COL5A1: variants seen among roughly 807,000 people sequenced by gnomAD.
COL5A1 encodes collagen type V alpha 1 chain.
In COL5A1, 16 loss-of-function variants were observed where a neutral mutation model predicts 263.7. The observed-to-expected ratio is 0.06, with a 90% confidence interval of 0.04 to 0.09. The LOEUF is 0.09. Among genes scored for constraint, COL5A1 ranks in the 10% least tolerant of loss-of-function variants. The probability of loss-of-function intolerance (pLI) is 1.00; values close to 1 mark genes in which losing one functional copy is unlikely to be tolerated. For synonymous variants in COL5A1, 1,012 were observed against 1,004.5 expected, an observed-to-expected ratio of 1.01 and a Z score of -0.14; for missense variants, 2,036 against 2,540.5, an observed-to-expected ratio of 0.80 and a Z score of 4.27.
At chr9:134,654,451 G>T (rs1831842826) in intron 1 of COL5A1, among the ~76,000 whole-genome samples, 1 of 127,564 alleles carries the variant, frequency 7.8e-6, no homozygotes. Context: ...GTGTAGGGCT[G>T]GTGTGTGTAG....
Position 134,809,237 on chromosome 9 carries a change from G to T in COL5A1, c.3421G>T (p.Gly1141Trp). 6.2e-7 allele frequency: 1 copy of T among 1,607,576 alleles called. No individual in the cohort carries two copies. Among genetic ancestry groups the T allele is most frequent in the Non-Finnish European group, 8.5e-7 (1 of 1,177,452 alleles). ...AGRDGLQGPV[G>W]LPGPAGPVGP... is the part of the protein sequence containing the mutation. ...CCGAGACGGTCTCCAGGGGCCTGTG[G>T]GGCTCCCGGGTCCAGCTGGCCCTGT... is the stretch of plus-strand genomic sequence containing the variant. Residue 1141 changes from glycine (G) to tryptophan (W), a missense_variant, in exon 43 of 66, where the codon GGG becomes TGG. By Grantham distance (184) the Gly-to-Trp change is radical (BLOSUM62 -2). Around this residue, in one of 3 missense-constraint regions of COL5A1, gnomAD observed 1,078 missense variants for 1,521.4 expected, o/e 0.71. Coordinates refer to ENST00000371817, the MANE Select transcript of COL5A1 (RefSeq NM_000093.5).
At chr9:134,775,205 G>A (rs1837008429) in intron 27 of COL5A1, among the ~76,000 whole-genome samples, 2 of 152,378 alleles carry the variant, frequency 1.3e-5, no homozygotes, top group African/African-American at 2.4e-5. Flanking sequence ...GACGGGACAC[G>A]TCCTTTTGCT....
chr9:134,724,466 C>T (rs545593744), intron 4 of COL5A1, among the ~76,000 whole-genome samples: 72 of 152,342 alleles, frequency 4.7e-4, no homozygotes, highest in Admixed American at 2.4e-3. Context: ...AGTGTGCCTG[C>T]GGGCTGGGAT....
rs914718136 is a variant in COL5A1 at position 134,652,852 on chromosome 9, A to G, written c.109+10556A>G. The stretch of plus-strand genomic sequence containing the variant: ...CCCCCCGAGGCCTCTCTTAAGGCAC[A>G]GATTGTTTCTGACTCAGGAGGCCTT... On this transcript the variant is annotated intron_variant, in intron 1 of 65. Coordinates refer to ENST00000371817, the MANE Select transcript of COL5A1 (RefSeq NM_000093.5). This position sits in a 1 kb window ranked among gnomAD's most constrained non-coding sequence, Gnocchi z 4.4. 45 of 390,758 alleles carry G rather than the reference A, an allele frequency of 1.2e-4. No individual in the cohort carries two copies. Among genetic ancestry groups the G allele is most frequent in the African/African-American group, 9.3e-4 (44 of 47,402 alleles). 24.2% of individuals were successfully genotyped at this position (390,758 alleles called of 1,614,324 possible).
chr9:134,814,950 G>C, intron 50 of COL5A1, 46 bp downstream of exon 50: 1 of 1,345,676 alleles, frequency 7.4e-7, no homozygotes, highest in South Asian at 1.3e-5. Context: ...CAGGGGCGGG[G>C]CTCTGCACTG....
chr9:134,833,146 C>A (rs890246186), intron 64 of COL5A1, among the ~76,000 whole-genome samples: 2 of 152,210 alleles, frequency 1.3e-5, no homozygotes, highest in African/African-American at 2.4e-5. Flanking sequence ...GCCTTCCCTG[C>A]AGAGAGGGTC....
In COL5A1 at chr9:134,820,146, C is replaced by T. The variant is rs1462918582; in HGVS notation, c.4477C>T (p.Pro1493Ser). The change falls in exon 58 of 66, where the codon CCT becomes TCT. Residue 1493 changes from proline to serine, a missense_variant. By Grantham distance (74) the Pro-to-Ser change is moderately conservative. Transcript: ENST00000371817. ...GHPGLIGLIG[P>S]PGEQGEKGDR... ...TCCAGGCCTGATCGGGCTCATCGGTCCTCCGGGTGAACAGGGTGAGAAGGG... is the reference window on the plus strand; with the variant it reads ...TCCAGGCCTGATCGGGCTCATCGGTTCTCCGGGTGAACAGGGTGAGAAGGG... 8.1e-6 allele frequency: 13 copies of T among 1,613,990 alleles called. No individual in the cohort carries two copies. The highest frequency in any genetic ancestry group is 1.1e-5 in the Non-Finnish European group (13 of 1,179,968).
chr9:134,829,393 A>G (rs10114259), intron 63 of COL5A1, among the ~76,000 whole-genome samples: 40,542 of 126,190 alleles, frequency 0.32, 6,585 homozygotes, highest in Admixed American at 0.36. Context: ...CCGAGGGCCC[A>G]GGTCAGGCTC....
intron 44 of COL5A1, chr9:134,810,579 C>T: frequency 2.1e-6 from 1 of 477,176 alleles, no homozygotes. Flanking sequence ...TCCTAGAGGG[C>T]TTGGGTTCTG....
chr9:134,665,339 G>A (rs946516727), intron 1 of COL5A1, among the ~76,000 whole-genome samples: 1 of 152,218 alleles, frequency 6.6e-6, no homozygotes, highest in African/African-American at 2.4e-5. Context: ...GTTTAGGTGG[G>A]TTACCATGCA....
In COL5A1 at chr9:134,747,840, C is replaced by T. The variant is rs1176063217; in HGVS notation, c.1495-2702C>T. ...ACACATGCGTTCATACACATGCAGA[C>T]ACATGCACACATGCATTCATACACA... On this transcript the variant is annotated intron_variant, in intron 11 of 65. Coordinates refer to ENST00000371817, the MANE Select transcript of COL5A1 (RefSeq NM_000093.5). 1.1e-4 allele frequency among the ~76,000 whole-genome samples: 16 copies of T among 147,738 alleles called. 2 individuals carry two copies. The highest frequency in any genetic ancestry group is 7.5e-3 in the Middle Eastern group (2 of 268).
At chr9:134,728,920 A>C in intron 6 of COL5A1, 113 bp downstream of exon 6, 1 of 1,404,482 alleles carries the variant, frequency 7.1e-7, no homozygotes, top group Non-Finnish European at 9.9e-7. Context: ...CTGTCTGGTG[A>C]AGGTTGCGGG....
intron 1 of COL5A1, among the ~76,000 whole-genome samples, chr9:134,683,241 C>T (rs968313473): frequency 4.6e-5 from 7 of 152,214 alleles, no homozygotes; most frequent in South Asian, 2.1e-4. Flanking sequence ...CAGGAGTCCT[C>T]GAACACCGGC....
intron 11 of COL5A1, among the ~76,000 whole-genome samples, chr9:134,748,280 C>T (rs1377015735): frequency 1.3e-5 from 2 of 151,950 alleles, no homozygotes; most frequent in Non-Finnish European, 2.9e-5. Flanking sequence ...TGCCTTTACA[C>T]ATATATGCAC....
intron 2 of COL5A1, among the ~76,000 whole-genome samples, chr9:134,695,564 A>T (rs959692009): frequency 2.6e-5 from 4 of 151,928 alleles, no homozygotes; most frequent in Non-Finnish European, 4.4e-5. Flanking sequence ...GGCTTTGCAG[A>T]CCCTCTACTC....
intron 11 of COL5A1, among the ~76,000 whole-genome samples, chr9:134,744,911 A>T (rs906205897): frequency 6.6e-6 from 1 of 152,218 alleles, no homozygotes; most frequent in Admixed American, 6.5e-5. Context: ...ACATATGCAC[A>T]CACCCAGGCG....
At chr9:134,817,105 T>G (rs1225541482) in intron 53 of COL5A1, 26 bp downstream of exon 53, 1 of 1,606,242 alleles carries the variant, frequency 6.2e-7, no homozygotes. Flanking sequence ...GGCACATCCT[T>G]GCTGTCAAAT....
intron 63 of COL5A1, among the ~76,000 whole-genome samples, chr9:134,826,269 A>G (rs954203627): frequency 6.6e-6 from 1 of 152,176 alleles, no homozygotes; most frequent in Non-Finnish European, 1.5e-5. Flanking sequence ...AGCAGGTACA[A>G]TAACGTGAGC....
At chr9:134,814,935 TGCA>T in intron 50 of COL5A1, 31 bp downstream of exon 50, 1 of 1,471,092 alleles carries the variant, frequency 6.8e-7, no homozygotes, top group Non-Finnish European at 9.3e-7. Context: ...TCAGGGGCCC[TGCA>T]GCAGGGGCGG....
Sources: gnomAD v4.1 joint callset for allele counts (sites outside exome capture counted in the v4.1 genomes callset) on GRCh38, gnomAD v4.1.1 for gene constraint, gnomAD v4.1.1 regional missense constraint, Gnocchi (gnomAD v3.1) non-coding constraint, MANE v1.5 for transcripts, NCBI Gene and HGNC (gene_info 2026-07-23, HGNC 2026-07-21) for gene names.